ARFGEF3: variants seen among roughly 807,000 people sequenced by gnomAD.
ARFGEF3 encodes brefeldin A-inhibited guanine nucleotide-exchange protein 3.
Under a neutral mutation model 221.7 loss-of-function variants are expected in ARFGEF3, and 96 were observed. That is an observed-to-expected ratio of 0.43 (90% CI 0.37 to 0.51). ARFGEF3 has a LOEUF of 0.51. Among genes scored for constraint, ARFGEF3 ranks in the 20% least tolerant of loss-of-function variants. The pLI is 0.00. For synonymous variants in ARFGEF3, 1,145 were observed against 1,126.8 expected (o/e 1.02, Z -0.32); for missense variants, 2,410 against 2,789.9 (o/e 0.86, Z 3.07).
intron 3 of ARFGEF3, among the ~76,000 whole-genome samples, chr6:138,208,636 G>C (rs759996067): frequency 6.6e-6 from 1 of 152,152 alleles, no homozygotes; most frequent in Non-Finnish European, 1.5e-5. Flanking sequence ...CAGCATGGAG[G>C]AAAATAGCTT....
intron 10 of ARFGEF3, among the ~76,000 whole-genome samples, chr6:138,257,819 T>A (rs888590706): frequency 6.6e-6 from 1 of 151,994 alleles, no homozygotes; most frequent in Non-Finnish European, 1.5e-5. Context: ...AACTTAAGAG[T>A]TTTCTCATCT....
chr6:138,323,056 TAGAGG>T, intron 29 of ARFGEF3, among the ~76,000 whole-genome samples: 1 of 151,868 alleles, frequency 6.6e-6, no homozygotes, highest in Admixed American at 6.6e-5. Context: ...GTTTTGCTTG[TAGAGG>T]AGTGATGGAA....
intron 1 of ARFGEF3, among the ~76,000 whole-genome samples, chr6:138,169,054 C>T (rs1427473271): frequency 1.3e-5 from 2 of 152,156 alleles, no homozygotes; most frequent in African/African-American, 2.4e-5. Context: ...CACAAGCATC[C>T]CGGGAGGAAG....
intron 14 of ARFGEF3, among the ~76,000 whole-genome samples, chr6:138,283,345 C>T (rs572948635): frequency 1.4e-4 from 21 of 152,316 alleles, no homozygotes; most frequent in Admixed American, 5.9e-4. Flanking sequence ...ACAGACTATT[C>T]GCAGTTCCCA....
chr6:138,228,979 T>C (rs1404876621), intron 4 of ARFGEF3, among the ~76,000 whole-genome samples: 1 of 152,246 alleles, frequency 6.6e-6, no homozygotes, highest in African/African-American at 2.4e-5. Context: ...GTTCTTAAAA[T>C]GCCACAGGCT....
chr6:138,171,529 C>T (rs910705540), intron 2 of ARFGEF3, among the ~76,000 whole-genome samples: 1 of 152,184 alleles, frequency 6.6e-6, no homozygotes, highest in African/African-American at 2.4e-5. Flanking sequence ...AGCCTATTTC[C>T]CCACCTTCTT....
rs775393818 is a variant in ARFGEF3, at chr6:138,319,790, A to G, written c.4562A>G (p.Tyr1521Cys). The G allele has an allele frequency of 6.8e-6, 11 of 1,613,758 alleles. No homozygotes were observed. The Admixed American group carries it at 8.3e-5, about 12-fold the overall frequency. Residue 1521 changes from tyrosine (Y) to cysteine (C), a missense_variant, in exon 28 of 34, where the codon TAC (tyrosine) becomes TGC (cysteine). By Grantham distance (194) the Tyr-to-Cys change is radical. Transcript: ENST00000251691. ...WLRRSHKDHSYWDMASANFKH... is the reference protein window; with the variant it reads ...WLRRSHKDHSCWDMASANFKH... ...CGCCGGAGCCATAAAGACCATTCCT[A>G]CTGGGATATGGCCTCTGCCAATTTC...
chr6:138,197,157 A>G (rs1474929771), intron 2 of ARFGEF3, among the ~76,000 whole-genome samples: 1 of 152,102 alleles, frequency 6.6e-6, no homozygotes, highest in East Asian at 1.9e-4. Context: ...TTTAATTTTT[A>G]AACTTTTTGT....
At chr6:138,189,878 A>T (rs905244243) in intron 2 of ARFGEF3, among the ~76,000 whole-genome samples, 9 of 152,016 alleles carry the variant, frequency 5.9e-5, no homozygotes, top group Non-Finnish European at 1.0e-4. Context: ...CCAGGGGTTC[A>T]AGACCAGCTG....
intron 2 of ARFGEF3, among the ~76,000 whole-genome samples, chr6:138,190,318 G>A (rs188770989): frequency 5.3e-5 from 8 of 152,114 alleles, no homozygotes; most frequent in Admixed American, 5.2e-4. Context: ...AACCTTGCCA[G>A]GAGGGGCTCT....
rs1583076263 is a variant in ARFGEF3 at position 138,340,515 on chromosome 6, A to G, written c.*4029A>G. On this transcript the variant is annotated 3_prime_UTR_variant, in exon 34 of 34. Coordinates refer to ENST00000251691, the MANE Select transcript of ARFGEF3 (RefSeq NM_020340.5). ...TAGTATCAGTCCCATCAAGCCAAAC[A>G]GAATGAAGACCTTTGATAGTAATAG... The G allele has an allele frequency of 1.3e-5, 2 of 152,362 alleles. No homozygotes were observed. Among genetic ancestry groups the G allele is most frequent in the East Asian group, 3.9e-4 (2 of 5,180 alleles). The allele number at this position is 152,362 out of a possible 1,614,324, so 9.4% of individuals were successfully genotyped here. A position where few individuals can be genotyped will look rare whatever the true frequency, so the allele number is the denominator to read the frequency against.
intron 22 of ARFGEF3, among the ~76,000 whole-genome samples, chr6:138,305,484 G>A (rs896332166): frequency 4.6e-5 from 7 of 151,748 alleles, no homozygotes; most frequent in African/African-American, 1.7e-4. Flanking sequence ...GGTGATGCAT[G>A]CCTGTAGTCC....
At position 138,344,050 on chromosome 6, in the gene ARFGEF3, C is replaced by T. The variant is rs937991157; in HGVS notation, c.*7564C>T. ...AGACTATTATTCAATATGCTTTTCC[C>T]GCTTTTCTAAGAGGAATAAACTTAG... On this transcript the variant is annotated 3_prime_UTR_variant, in exon 34 of 34. Coordinates refer to ENST00000251691, the MANE Select transcript of ARFGEF3 (RefSeq NM_020340.5). 3.9e-5 allele frequency: 6 copies of T among 152,196 alleles called. No individual in the cohort carries two copies. Among genetic ancestry groups the T allele is most frequent in the East Asian group, 1.9e-4 (1 of 5,184 alleles). 9.4% of individuals were successfully genotyped at this position (152,196 alleles called of 1,614,324 possible).
chr6:138,300,937 A>T (rs1358205684), intron 22 of ARFGEF3, among the ~76,000 whole-genome samples: 1 of 152,260 alleles, frequency 6.6e-6, no homozygotes, highest in Non-Finnish European at 1.5e-5. Context: ...AATAATCTTC[A>T]AATTATTTCT....
chr6:138,198,354 G>A (rs1777470623), intron 2 of ARFGEF3, among the ~76,000 whole-genome samples: 1 of 152,106 alleles, frequency 6.6e-6, no homozygotes, highest in Non-Finnish European at 1.5e-5. Flanking sequence ...TCTTTGTTTT[G>A]AAATAGAAAA....
At chr6:138,323,859 T>C in intron 30 of ARFGEF3, 86 bp downstream of exon 30, 1 of 1,544,204 alleles carries the variant, frequency 6.5e-7, no homozygotes, top group Admixed American at 1.7e-5. Flanking sequence ...ACATGGGTTC[T>C]GCCTCCTCTG....
chr6:138,227,043 G>GT (rs112834247), intron 4 of ARFGEF3, among the ~76,000 whole-genome samples: 14,783 of 144,648 alleles, frequency 0.1, 876 homozygotes, highest in African/African-American at 0.17. Context: ...GGTTGATTTT[G>GT]TTTTTTTTTT....
At chr6:138,309,440 T>C (rs184414804) in intron 24 of ARFGEF3, among the ~76,000 whole-genome samples, 49 of 152,354 alleles carry the variant, frequency 3.2e-4, no homozygotes, top group African/African-American at 1.1e-3. Context: ...AAATATATTT[T>C]ATAATTAATT....
chr6:138,326,983 C>G (rs1326054313), intron 31 of ARFGEF3, among the ~76,000 whole-genome samples: 1 of 152,172 alleles, frequency 6.6e-6, no homozygotes, highest in Admixed American at 6.5e-5. Context: ...CCATTATCCT[C>G]AGCAAACTAA....
Sources: allele counts gnomAD v4.1 joint callset (sites outside exome capture counted in the v4.1 genomes callset), GRCh38; gene constraint gnomAD v4.1.1; transcripts MANE v1.5; gene names NCBI Gene and HGNC (gene_info 2026-07-23, HGNC 2026-07-21).